TAFA2: variants seen among roughly 807,000 people sequenced by gnomAD.
TAFA2 encodes TAFA chemokine like family member 2.
TAFA2 carries 7 observed loss-of-function variants against 18.8 expected under a neutral mutation model. The ratio of observed to expected loss-of-function variants is 0.37; its 90% confidence interval spans 0.21 to 0.70. TAFA2 has a LOEUF of 0.70. Among genes scored for constraint, TAFA2 ranks in the 30% least tolerant of loss-of-function variants. TAFA2 has a pLI of 0.53. For missense variants in TAFA2, 122 were observed against 158.1 expected (o/e 0.77, Z 1.23); for synonymous variants, 60 against 54.2 (o/e 1.11, Z -0.47).
chr12:61,953,082 GT>G (rs1190124403), intron 1 of TAFA2, among the ~76,000 whole-genome samples: 1 of 151,996 alleles, frequency 6.6e-6, no homozygotes, highest in Non-Finnish European at 1.5e-5. Flanking sequence ...CCCTCCTTAT[GT>G]TTATCGTTTC....
Position 62,160,898 on chromosome 12 carries a change from G to A in TAFA2, c.-2+30361C>T, listed in dbSNP as rs551877078. Reference sequence around the variant, plus strand: ...CCCCCTTGCACCCTGAGCTGTGGGAGAGACTCCAGCCACCCAAGACTCCAA... The same window carrying A: ...CCCCCTTGCACCCTGAGCTGTGGGAAAGACTCCAGCCACCCAAGACTCCAA... On this transcript the variant is annotated intron_variant, in intron 1 of 4. Coordinates refer to ENST00000416284, the MANE Select transcript of TAFA2 (RefSeq NM_178539.5). 2.6e-5 allele frequency among the ~76,000 whole-genome samples: 4 copies of A among 152,290 alleles called. No homozygotes were observed. The South Asian group carries it at 8.3e-4, about 32-fold the overall frequency.
rs1221132187 is a variant in TAFA2 at position 61,874,609 on chromosome 12, G to A, written c.-1-7183C>T. On this transcript the variant is annotated intron_variant, in intron 1 of 4. Transcript: ENST00000416284. ...CCTAGCCATGTATAGTCAAATTGTT[G>A]GATTTGTGCAAATACCTTTACCACC... Among the ~76,000 whole-genome samples the A allele has an allele frequency of 3.3e-5, 5 of 152,036 alleles. No individual in the cohort carries two copies. In the East Asian group the frequency reaches 9.6e-4, roughly 29 times the overall value.
intron 1 of TAFA2, among the ~76,000 whole-genome samples, chr12:62,092,121 T>C (rs1230151408): frequency 6.6e-6 from 1 of 151,956 alleles, no homozygotes; most frequent in African/African-American, 2.4e-5. Flanking sequence ...CTAGTTAAGA[T>C]TAACCCACCA....
chr12:61,940,528 G>T (rs531051090), intron 1 of TAFA2, among the ~76,000 whole-genome samples: 25 of 152,150 alleles, frequency 1.6e-4, no homozygotes, highest in Non-Finnish European at 2.9e-4. Flanking sequence ...TCTGATTCCA[G>T]GTAACTCTCC....
intron 1 of TAFA2, among the ~76,000 whole-genome samples, chr12:61,932,204 C>T (rs1034463982): frequency 3.3e-5 from 5 of 152,180 alleles, no homozygotes; most frequent in Admixed American, 3.3e-4. Flanking sequence ...GTCTCCAAAA[C>T]GTCACCACAA....
chr12:61,874,641 T>C (rs570240581), intron 1 of TAFA2, among the ~76,000 whole-genome samples: 2 of 152,268 alleles, frequency 1.3e-5, no homozygotes, highest in African/African-American at 2.4e-5. Flanking sequence ...CACCCACAGA[T>C]TGAAATGATA....
intron 2 of TAFA2, among the ~76,000 whole-genome samples, chr12:61,764,104 C>T (rs1330263756): frequency 6.6e-6 from 1 of 151,972 alleles, no homozygotes; most frequent in Non-Finnish European, 1.5e-5. Flanking sequence ...ATCCAGGAAA[C>T]ATAATCTAAC....
At chr12:62,148,878 T>C (rs1371368953) in intron 1 of TAFA2, among the ~76,000 whole-genome samples, 1 of 152,226 alleles carries the variant, frequency 6.6e-6, no homozygotes, top group African/African-American at 2.4e-5. Context: ...TATGTCTTAA[T>C]GTATATGCAG....
At chr12:61,969,744 G>C (rs1402509273) in intron 1 of TAFA2, among the ~76,000 whole-genome samples, 1 of 151,638 alleles carries the variant, frequency 6.6e-6, no homozygotes, top group Non-Finnish European at 1.5e-5. Context: ...TATTCACTAA[G>C]ATTGAAGGAT....
chr12:61,796,543 A>C (rs1360510151), intron 2 of TAFA2, among the ~76,000 whole-genome samples: 1 of 152,158 alleles, frequency 6.6e-6, no homozygotes, highest in Admixed American at 6.5e-5. Context: ...AACTAGGGTG[A>C]CTGGGAAGAG....
intron 1 of TAFA2, among the ~76,000 whole-genome samples, chr12:62,020,622 C>T (rs9669351): frequency 0.35 from 53,873 of 152,006 alleles, 9,960 homozygotes; most frequent in Non-Finnish European, 0.39. Flanking sequence ...ACAAACCAAA[C>T]TGTAAAGACT....
At chr12:62,229,869 T>TTGTTGC (rs1555199463) in intron 1 of TAFA2, among the ~76,000 whole-genome samples, 13 of 152,076 alleles carry the variant, frequency 8.5e-5, no homozygotes, top group African/African-American at 2.9e-4. Context: ...GTTGTTGTTG[T>TTGTTGC]TGTTGGGAGA....
intron 1 of TAFA2, among the ~76,000 whole-genome samples, chr12:62,017,433 A>T (rs1403939855): frequency 1.3e-5 from 2 of 152,172 alleles, no homozygotes; most frequent in Non-Finnish European, 2.9e-5. Flanking sequence ...GCTATATACA[A>T]GATGCTGTGG....
At chr12:61,718,893 T>C (rs1323929399) in intron 4 of TAFA2, among the ~76,000 whole-genome samples, 2 of 152,170 alleles carry the variant, frequency 1.3e-5, no homozygotes, top group Non-Finnish European at 2.9e-5. Flanking sequence ...AAAAATGAGT[T>C]TAAGATAGTT....
At chr12:61,830,703 A>T (rs1872689603) in intron 2 of TAFA2, among the ~76,000 whole-genome samples, 1 of 152,016 alleles carries the variant, frequency 6.6e-6, no homozygotes, top group South Asian at 2.1e-4. Context: ...GCTTCTTGCC[A>T]CTTAAATTTA....
At chr12:61,916,370 A>G (rs958503828) in intron 1 of TAFA2, among the ~76,000 whole-genome samples, 3 of 152,208 alleles carry the variant, frequency 2.0e-5, no homozygotes, top group African/African-American at 7.2e-5. Flanking sequence ...GTTTCATTAC[A>G]CTCCTCGACG....
chr12:61,827,119 G>C (rs1470171182), intron 2 of TAFA2: 3 of 152,036 alleles, frequency 2.0e-5, no homozygotes, highest in Non-Finnish European at 4.4e-5. Context: ...ATAGAAGTCT[G>C]ATGTGGGTTG....
chr12:62,123,235 T>A (rs1332808953), intron 1 of TAFA2, among the ~76,000 whole-genome samples: 1 of 152,200 alleles, frequency 6.6e-6, no homozygotes, highest in Non-Finnish European at 1.5e-5. Context: ...ACACCTCATA[T>A]AGCACTAGAA....
At chr12:61,969,454 T>C (rs1879172054) in intron 1 of TAFA2, among the ~76,000 whole-genome samples, 1 of 151,672 alleles carries the variant, frequency 6.6e-6, no homozygotes, top group Non-Finnish European at 1.5e-5. Flanking sequence ...TATTAGACTA[T>C]TTTTAAAATA....
Sources: allele counts gnomAD v4.1 joint callset (sites outside exome capture counted in the v4.1 genomes callset), GRCh38; gene constraint gnomAD v4.1.1; transcripts MANE v1.5; gene names NCBI Gene and HGNC (gene_info 2026-07-23, HGNC 2026-07-21).